Variants in TMEM117 observed in about 807,000 individuals in gnomAD.
The protein encoded by TMEM117 is transmembrane protein 117.
A neutral mutation model predicts 52.4 loss-of-function variants in TMEM117; 27 were observed. The observed-to-expected ratio is 0.51, with a 90% CI of 0.38 to 0.71. The LOEUF is 0.71. Ranked by LOEUF, TMEM117 falls within the 30% of genes least tolerant of loss-of-function variation. TMEM117 has a pLI of 0.00. For missense variants in TMEM117, 556 were observed against 630.5 expected (o/e 0.88, Z 1.26); for synonymous variants, 215 against 206.3 (o/e 1.04, Z -0.36).
intron 3 of TMEM117, among the ~76,000 whole-genome samples, chr12:44,005,682 T>C (rs1404472808): frequency 1.3e-5 from 2 of 152,180 alleles, no homozygotes; most frequent in Admixed American, 6.6e-5. Context: ...GAGGGTGATA[T>C]AGGTGATATA....
chr12:44,362,579 TA>T (rs35218752), intron 6 of TMEM117, among the ~76,000 whole-genome samples: 3,132 of 141,074 alleles, frequency 0.022, 78 homozygotes, highest in African/African-American at 0.061. Context: ...ACAAAATAAT[TA>T]AAAAAAAAAA....
At chr12:44,094,251 T>C (rs1407573163) in intron 3 of TMEM117, among the ~76,000 whole-genome samples, 2 of 152,142 alleles carry the variant, frequency 1.3e-5, no homozygotes, top group Non-Finnish European at 2.9e-5. Context: ...TAGTAAGTCA[T>C]GGGCTTCTGC....
intron 4 of TMEM117, among the ~76,000 whole-genome samples, chr12:44,188,678 CCAAGTA>C (rs1426276346): frequency 9.2e-5 from 14 of 152,094 alleles, no homozygotes; most frequent in African/African-American, 2.9e-4. Flanking sequence ...CCTTACCACC[CCAAGTA>C]CAATTGCAAC....
At chr12:44,096,395 C>T (rs1947762744) in intron 3 of TMEM117, among the ~76,000 whole-genome samples, 1 of 151,852 alleles carries the variant, frequency 6.6e-6, no homozygotes, top group Non-Finnish European at 1.5e-5. Flanking sequence ...AAAAAGAGCC[C>T]ACATCGCCAA....
At chr12:44,329,990 G>T (rs1404843089) in intron 6 of TMEM117, among the ~76,000 whole-genome samples, 1 of 152,038 alleles carries the variant, frequency 6.6e-6, no homozygotes, top group Non-Finnish European at 1.5e-5. Context: ...AGAAATGTCT[G>T]TTCAAGTTCC....
upstream of TMEM117, among the ~76,000 whole-genome samples, chr12:43,834,410 G>A (rs1592292709): frequency 6.6e-6 from 1 of 152,202 alleles, no homozygotes; most frequent in Non-Finnish European, 1.5e-5. Flanking sequence ...TCATGAGTAA[G>A]ATTTAATCTC....
chr12:43,883,773 CA>C (rs1377250824), intron 2 of TMEM117, among the ~76,000 whole-genome samples: 2 of 137,388 alleles, frequency 1.5e-5, no homozygotes, highest in Non-Finnish European at 3.1e-5. Context: ...AAAAAAAAAA[CA>C]AAAAACAAAA....
At chr12:44,201,747 G>A (rs11832828) in intron 4 of TMEM117, among the ~76,000 whole-genome samples, 30,985 of 152,020 alleles carry the variant, frequency 0.2, 5,444 homozygotes, top group African/African-American at 0.48. Context: ...CAAGTGTTTT[G>A]AAAATAAGCA....
intron 2 of TMEM117, among the ~76,000 whole-genome samples, chr12:43,845,376 G>C (rs536228547): frequency 6.9e-6 from 1 of 145,918 alleles, no homozygotes; most frequent in South Asian, 2.1e-4. Context: ...TGGGAGAATC[G>C]CTTGAACCTG....
intron 2 of TMEM117, among the ~76,000 whole-genome samples, chr12:43,873,432 A>G (rs979049744): frequency 2.0e-5 from 3 of 152,176 alleles, no homozygotes; most frequent in Non-Finnish European, 4.4e-5. Flanking sequence ...AAAGGTATCA[A>G]ATTCATCCAA....
intron 2 of TMEM117, among the ~76,000 whole-genome samples, chr12:43,930,790 T>C: frequency 6.6e-6 from 1 of 152,230 alleles, no homozygotes; most frequent in Non-Finnish European, 1.5e-5. Flanking sequence ...GATTTTAAGA[T>C]CTTTTTTGTC....
intron 1 of TMEM117, among the ~76,000 whole-genome samples, chr12:43,837,384 C>T (rs762932354): frequency 6.6e-6 from 1 of 152,062 alleles, no homozygotes; most frequent in South Asian, 2.1e-4. Context: ...CGGGCTCTGT[C>T]GCTCAGGCTG....
chr12:44,218,704 A>G (rs79170917), intron 5 of TMEM117, among the ~76,000 whole-genome samples: 4,492 of 152,290 alleles, frequency 0.029, 103 homozygotes, highest in Admixed American at 0.043. Context: ...TATCAGACAT[A>G]TGAGACATAT....
upstream of TMEM117, among the ~76,000 whole-genome samples, chr12:43,835,589 A>G (rs1362573928): frequency 6.6e-6 from 1 of 152,152 alleles, no homozygotes; most frequent in African/African-American, 2.4e-5. Context: ...CACCACCAAC[A>G]GACAAAAACA....
At chr12:44,131,436 G>A (rs1378535760) in intron 3 of TMEM117, among the ~76,000 whole-genome samples, 7 of 151,958 alleles carry the variant, frequency 4.6e-5, no homozygotes, top group African/African-American at 1.2e-4. Context: ...GTTCTCTGTT[G>A]CATTAAAAGA....
the TMEM117 span, among the ~76,000 whole-genome samples, chr12:44,396,479 G>A: frequency 5.3e-5 from 8 of 151,832 alleles, no homozygotes; most frequent in Non-Finnish European, 8.8e-5. Context: ...GTGGGGGGGA[G>A]GAATTAATTA....
At chr12:43,974,420 G>T (rs1303271053) in intron 3 of TMEM117, among the ~76,000 whole-genome samples, 1 of 151,998 alleles carries the variant, frequency 6.6e-6, no homozygotes, top group African/African-American at 2.4e-5. Context: ...TAAAATGAAG[G>T]GATATATAGC....
At chr12:44,203,898 G>A (rs924005569) in intron 4 of TMEM117, among the ~76,000 whole-genome samples, 1 of 152,152 alleles carries the variant, frequency 6.6e-6, no homozygotes, top group African/African-American at 2.4e-5. Flanking sequence ...TATGTGTCAT[G>A]TGCAGCTGAG....
chr12:44,289,575 CAG>C (rs1313293626), intron 5 of TMEM117, among the ~76,000 whole-genome samples: 3 of 116,016 alleles, frequency 2.6e-5, no homozygotes, highest in Admixed American at 1.0e-4. Flanking sequence ...TTTTTTGAGA[CAG>C]AGTCTCCCTC....
Sources: allele counts gnomAD v4.1 joint callset (sites outside exome capture counted in the v4.1 genomes callset), GRCh38; gene constraint gnomAD v4.1.1; transcripts MANE v1.5; gene names NCBI Gene and HGNC (gene_info 2026-07-23, HGNC 2026-07-21).